PTPRT: variants seen among roughly 807,000 people sequenced by gnomAD.
PTPRT encodes protein tyrosine phosphatase receptor type T, also known as receptor-type tyrosine-protein phosphatase T.
Under a neutral mutation model 176.8 loss-of-function variants are expected in PTPRT, and 56 were observed. The observed-to-expected ratio is 0.32, with a 90% CI of 0.26 to 0.40. The LOEUF (loss-of-function observed/expected upper bound fraction) is 0.40, where lower values mean the gene tolerates loss of function less well. PTPRT is among the 10% of genes least tolerant of loss of function. PTPRT has a pLI of 1.00. For synonymous variants in PTPRT, 783 were observed against 739.0 expected (o/e 1.06, Z -0.96); for missense variants, 1,540 against 1,908.2 (o/e 0.81, Z 3.60).
chr20:42,901,617 C>T (rs373136715), intron 1 of PTPRT, among the ~76,000 whole-genome samples: 30 of 152,200 alleles, frequency 2.0e-4, no homozygotes, highest in South Asian at 6.2e-4. Flanking sequence ...TGGCTTGCCA[C>T]GATTGCTAGA....
intron 9 of PTPRT, among the ~76,000 whole-genome samples, chr20:42,418,911 C>G (rs1320045380): frequency 6.6e-6 from 1 of 152,198 alleles, no homozygotes; most frequent in East Asian, 1.9e-4. Context: ...AAATTTCATA[C>G]AAGCTGCCTC....
At chr20:42,407,537 G>A (rs1471795616) in intron 9 of PTPRT, among the ~76,000 whole-genome samples, 1 of 151,948 alleles carries the variant, frequency 6.6e-6, no homozygotes, top group African/African-American at 2.4e-5. Context: ...AAAGACTTTT[G>A]AAAAAAACTT....
At chr20:42,595,845 T>C (rs1360374809) in intron 7 of PTPRT, among the ~76,000 whole-genome samples, 1 of 152,144 alleles carries the variant, frequency 6.6e-6, no homozygotes, top group African/African-American at 2.4e-5. Flanking sequence ...CACACCTGCC[T>C]AGAGACAAGG....
At chr20:42,390,935 G>A (rs769711105) in intron 9 of PTPRT, among the ~76,000 whole-genome samples, 5 of 152,104 alleles carry the variant, frequency 3.3e-5, no homozygotes, top group Non-Finnish European at 7.4e-5. Context: ...AATTGAGTTT[G>A]CAACCTTATT....
chr20:42,541,911 C>T (rs185826345), intron 7 of PTPRT, among the ~76,000 whole-genome samples: 1 of 151,920 alleles, frequency 6.6e-6, no homozygotes, highest in Non-Finnish European at 1.5e-5. Flanking sequence ...GGCTGTGTCC[C>T]CACCCAAATC....
Position 42,551,223 on chromosome 20 carries a change from T to C in PTPRT, c.1154-78661A>G, listed in dbSNP as rs80136838. Among the ~76,000 whole-genome samples the C allele has an allele frequency of 7.4e-3, 1,129 of 152,256 alleles. 20 individuals are homozygous for C. The highest frequency in any genetic ancestry group is 0.026 in the African/African-American group (1,088 of 41,558). On this transcript the variant is annotated intron_variant, in intron 7 of 30. Coordinates refer to ENST00000373187, the MANE Select transcript of PTPRT (RefSeq NM_007050.6). ...AGACGTTTTAAGGCATTAATCCTGG[T>C]GTATTGATTAAAACATCTGCCTTGT... is the stretch of plus-strand genomic sequence containing the variant.
chr20:42,640,394 TA>T (rs527531245), intron 7 of PTPRT, among the ~76,000 whole-genome samples: 244 of 147,356 alleles, frequency 1.7e-3, no homozygotes, highest in African/African-American at 5.2e-3. Context: ...GAGACTTCTT[TA>T]AAAAAAAAAA....
intron 7 of PTPRT, among the ~76,000 whole-genome samples, chr20:42,581,369 T>C (rs1216370847): frequency 6.6e-6 from 1 of 152,202 alleles, no homozygotes; most frequent in African/African-American, 2.4e-5. Context: ...ATTATGCTAA[T>C]TGGTTATTTT....
intron 2 of PTPRT, among the ~76,000 whole-genome samples, chr20:42,829,453 C>A (rs1046192223): frequency 1.3e-5 from 2 of 152,142 alleles, no homozygotes; most frequent in Non-Finnish European, 2.9e-5. Context: ...ATTGGCCAGG[C>A]GCAGTGGCTC....
At chr20:42,984,642 T>C (rs1983469662) in intron 1 of PTPRT, among the ~76,000 whole-genome samples, 3 of 152,230 alleles carry the variant, frequency 2.0e-5, no homozygotes, top group Admixed American at 2.0e-4. Flanking sequence ...AGTTTTATTA[T>C]TTAGTTCTCA....
At chr20:42,673,335 G>T (rs2075444215) in intron 7 of PTPRT, among the ~76,000 whole-genome samples, 1 of 152,164 alleles carries the variant, frequency 6.6e-6, no homozygotes, top group Non-Finnish European at 1.5e-5. Flanking sequence ...ACTTGGGTAT[G>T]AAATGACATC....
At chr20:42,059,796 T>C in the PTPRT span, among the ~76,000 whole-genome samples, 1 of 152,170 alleles carries the variant, frequency 6.6e-6, no homozygotes, top group Non-Finnish European at 1.5e-5. Context: ...CCCGAGAAGC[T>C]CGAGGCTGGG....
intron 26 of PTPRT, among the ~76,000 whole-genome samples, chr20:42,101,542 G>C (rs565291469): frequency 8.0e-4 from 122 of 152,286 alleles, no homozygotes; most frequent in African/African-American, 2.8e-3. Flanking sequence ...CTGATGACAA[G>C]AAAGTGGGGG....
In PTPRT at chr20:42,104,558, T is replaced by A; in HGVS notation, c.3540+11A>T. The stretch of plus-strand genomic sequence containing the variant: ...ACTAAGATGGTCACCGAGCCTGGGA[T>A]TTGCTCATACCTGAAATTCATCTTT... On this transcript the variant is annotated intron_variant, in intron 25 of 30. Coordinates refer to ENST00000373187, the MANE Select transcript of PTPRT (RefSeq NM_007050.6). 6.2e-7 allele frequency: 1 copy of A among 1,608,696 alleles called. No homozygotes were observed. Among genetic ancestry groups the A allele is most frequent in the Middle Eastern group, 1.7e-4 (1 of 6,040 alleles).
At chr20:43,117,387 A>G (rs916120767) in intron 1 of PTPRT, among the ~76,000 whole-genome samples, 2 of 152,138 alleles carry the variant, frequency 1.3e-5, no homozygotes, top group East Asian at 3.9e-4. Context: ...CCATTCCATA[A>G]TCTGTTATCA....
chr20:42,241,606 T>G (rs1022187816), intron 14 of PTPRT, among the ~76,000 whole-genome samples: 2 of 151,948 alleles, frequency 1.3e-5, no homozygotes, highest in African/African-American at 4.8e-5. Context: ...GGCCATGGGA[T>G]GGGGAAGAAA....
At chr20:42,403,040 T>C (rs1247537896) in intron 9 of PTPRT, among the ~76,000 whole-genome samples, 1 of 152,120 alleles carries the variant, frequency 6.6e-6, no homozygotes, top group Non-Finnish European at 1.5e-5. Flanking sequence ...ATGTAGATAA[T>C]ACATAAAAGA....
chr20:43,104,087 G>T (rs879666352), intron 1 of PTPRT, among the ~76,000 whole-genome samples: 1 of 152,150 alleles, frequency 6.6e-6, no homozygotes, highest in Non-Finnish European at 1.5e-5. Flanking sequence ...GGCAACAGAA[G>T]AAAGATGATC....
chr20:42,177,976 C>A (rs376446956), intron 16 of PTPRT, among the ~76,000 whole-genome samples: 1 of 151,206 alleles, frequency 6.6e-6, no homozygotes, highest in Non-Finnish European at 1.5e-5. Flanking sequence ...CTAGCTCTTT[C>A]GCCCAGGCTA....
Sources: allele counts gnomAD v4.1 joint callset (sites outside exome capture counted in the v4.1 genomes callset), GRCh38; gene constraint gnomAD v4.1.1; transcripts MANE v1.5; gene names NCBI Gene and HGNC (gene_info 2026-07-23, HGNC 2026-07-21).